Variants in NELL1 observed in about 807,000 individuals in gnomAD.
The protein encoded by NELL1 is neural EGFL like 1, also known as protein kinase C-binding protein NELL1.
NELL1 carries 76 observed loss-of-function variants against 107.4 expected under a neutral mutation model. The ratio of observed to expected loss-of-function variants is 0.71; its 90% CI spans 0.59 to 0.86. NELL1 has a LOEUF of 0.86. Among genes scored for constraint, NELL1 ranks in the 40% least tolerant of loss-of-function variants. The pLI is 0.00. For missense variants in NELL1, 1,024 were observed against 1,005.5 expected (o/e 1.02, Z -0.25); for synonymous variants, 353 against 341.2 (o/e 1.03, Z -0.38).
At chr11:20,811,587 A>AT (rs1040392428) in intron 3 of NELL1, among the ~76,000 whole-genome samples, 1 of 151,872 alleles carries the variant, frequency 6.6e-6, no homozygotes, top group African/African-American at 2.4e-5. Flanking sequence ...TTGTCCTTCC[A>AT]TTTTTTTGTG....
At chr11:20,847,903 C>T (rs1590345931) in intron 4 of NELL1, 150 bp downstream of exon 4, 1 of 778,636 alleles carries the variant, frequency 1.3e-6, no homozygotes, top group Non-Finnish European at 2.0e-6. Context: ...GGACCTTAGG[C>T]ATGCTGAAAT....
At chr11:21,425,192 C>A (rs962730290) in intron 15 of NELL1, among the ~76,000 whole-genome samples, 1 of 152,106 alleles carries the variant, frequency 6.6e-6, no homozygotes, top group Non-Finnish European at 1.5e-5. Context: ...AGATTCAAAG[C>A]AATCCCAATG....
At chr11:20,870,133 A>G (rs1218860528) in intron 4 of NELL1, among the ~76,000 whole-genome samples, 1 of 152,210 alleles carries the variant, frequency 6.6e-6, no homozygotes, top group Non-Finnish European at 1.5e-5. Flanking sequence ...ATAAATAGGT[A>G]AGTAGGGCAG....
At chr11:20,984,211 T>C (rs1851806009) in intron 12 of NELL1, among the ~76,000 whole-genome samples, 2 of 152,196 alleles carry the variant, frequency 1.3e-5, no homozygotes, top group South Asian at 4.1e-4. Flanking sequence ...CTGGACATTT[T>C]CCCCATGAAC....
At chr11:21,533,484 A>G (rs957543253) in intron 15 of NELL1, among the ~76,000 whole-genome samples, 1 of 152,216 alleles carries the variant, frequency 6.6e-6, no homozygotes, top group African/African-American at 2.4e-5. Context: ...AATTACTTGG[A>G]GAAATTCTGT....
chr11:20,883,270 C>G (rs1037975738), intron 4 of NELL1, among the ~76,000 whole-genome samples: 3 of 152,182 alleles, frequency 2.0e-5, no homozygotes, highest in Non-Finnish European at 4.4e-5. Context: ...TGATAGTGGG[C>G]CTCAGATGTT....
At chr11:21,063,751 A>G (rs1422938113) in intron 12 of NELL1, among the ~76,000 whole-genome samples, 1 of 152,238 alleles carries the variant, frequency 6.6e-6, no homozygotes, top group African/African-American at 2.4e-5. Context: ...ATTTTTCTAG[A>G]CACTTCAGAT....
At chr11:20,718,129 C>T (rs1855295845) in intron 2 of NELL1, among the ~76,000 whole-genome samples, 1 of 152,166 alleles carries the variant, frequency 6.6e-6, no homozygotes, top group South Asian at 2.1e-4. Context: ...AGGTCACTTT[C>T]TGCTTCTAAA....
At chr11:20,717,539 A>C (rs1855281279) in intron 2 of NELL1, among the ~76,000 whole-genome samples, 1 of 152,188 alleles carries the variant, frequency 6.6e-6, no homozygotes, top group East Asian at 1.9e-4. Flanking sequence ...GAAGTGAGGA[A>C]GTTAAACACC....
At chr11:20,874,739 G>A (rs1849270949) in intron 4 of NELL1, among the ~76,000 whole-genome samples, 1 of 152,064 alleles carries the variant, frequency 6.6e-6, no homozygotes, top group African/African-American at 2.4e-5. Flanking sequence ...GTATACTATA[G>A]TTCTGACTGC....
At chr11:20,779,084 A>G (rs1468497705) in intron 2 of NELL1, among the ~76,000 whole-genome samples, 1 of 152,184 alleles carries the variant, frequency 6.6e-6, no homozygotes. Flanking sequence ...TGCTTCCTCT[A>G]TTGGAAATAC....
At chr11:21,012,972 G>A (rs1192409535) in intron 12 of NELL1, among the ~76,000 whole-genome samples, 1 of 128,570 alleles carries the variant, frequency 7.8e-6, no homozygotes, top group East Asian at 1.9e-4. Context: ...TTCTAATCTT[G>A]TGGCTGTTTT....
intron 13 of NELL1, among the ~76,000 whole-genome samples, chr11:21,120,289 C>T (rs1211040682): frequency 6.6e-6 from 1 of 152,098 alleles, no homozygotes; most frequent in Non-Finnish European, 1.5e-5. Context: ...CTGGAATATG[C>T]TTTACTCCCA....
At chr11:21,433,277 G>C (rs146464433) in intron 15 of NELL1, among the ~76,000 whole-genome samples, 1 of 152,074 alleles carries the variant, frequency 6.6e-6, no homozygotes, top group Non-Finnish European at 1.5e-5. Flanking sequence ...CCATTCATCT[G>C]CTGATGGGCA....
chr11:20,787,162 C>G (rs1856985319), intron 3 of NELL1, among the ~76,000 whole-genome samples: 1 of 151,704 alleles, frequency 6.6e-6, no homozygotes, highest in Non-Finnish European at 1.5e-5. Context: ...GATCCCCTCT[C>G]CCTCTGGACT....
chr11:20,915,141 A>G (rs1327607131), intron 5 of NELL1, among the ~76,000 whole-genome samples: 2 of 152,056 alleles, frequency 1.3e-5, no homozygotes, highest in African/African-American at 2.4e-5. Context: ...AATACAGTCT[A>G]GTAATTCTGT....
intron 10 of NELL1, among the ~76,000 whole-genome samples, chr11:20,942,762 G>A (rs1850881430): frequency 6.6e-6 from 1 of 152,184 alleles, no homozygotes; most frequent in African/African-American, 2.4e-5. Flanking sequence ...TTTGACTTCA[G>A]GGAAAGCTGG....
At chr11:21,236,613 T>G (rs187591978) in intron 14 of NELL1, among the ~76,000 whole-genome samples, 1 of 152,304 alleles carries the variant, frequency 6.6e-6, no homozygotes, top group African/African-American at 2.4e-5. Context: ...ACACTAAATA[T>G]AGTTATACCA....
intron 14 of NELL1, among the ~76,000 whole-genome samples, chr11:21,275,022 T>C (rs564617951): frequency 1.3e-5 from 2 of 152,206 alleles, no homozygotes; most frequent in Admixed American, 6.5e-5. Context: ...ATTCAAAAGC[T>C]AGCAGAAGGC....
Sources: gnomAD v4.1 joint callset for allele counts (sites outside exome capture counted in the v4.1 genomes callset) on GRCh38, gnomAD v4.1.1 for gene constraint, MANE v1.5 for transcripts, NCBI Gene and HGNC (gene_info 2026-07-23, HGNC 2026-07-21) for gene names.